The following NEGR1 variants were observed in gnomAD, a reference collection of about 807,000 sequenced individuals.
NEGR1 encodes the protein IgLON family member 4.
NEGR1 carries 10 observed loss-of-function variants against 40.9 expected under a neutral mutation model. The ratio of observed to expected loss-of-function variants is 0.24; its 90% CI spans 0.15 to 0.42. The LOEUF is 0.42. Among genes scored for constraint, NEGR1 ranks in the 10% least tolerant of loss-of-function variants. NEGR1 has a pLI of 1.00. For synonymous variants in NEGR1, 185 were observed against 166.8 expected, an observed-to-expected ratio of 1.11 and a Z score of -0.84; for missense variants, 352 against 438.9, an observed-to-expected ratio of 0.80 and a Z score of 1.77.
In NEGR1 at chr1:71,972,958, T is replaced by C. The variant is rs188925220; in HGVS notation, c.177-37647A>G. Among the ~76,000 whole-genome samples, 23 of 152,314 alleles carry C rather than the reference T, an allele frequency of 1.5e-4. No individual in the cohort carries two copies. In the East Asian group the frequency reaches 4.4e-3, roughly 29 times the overall value. On this transcript the variant is annotated intron_variant, in intron 1 of 6. Coordinates refer to ENST00000357731, the MANE Select transcript of NEGR1 (RefSeq NM_173808.3). ...CCCGAAGTCCCATCTTAAGTGTTGT[T>C]ACAAGATTCCCTCGCAGAGGTAAGT...
intron 1 of NEGR1, among the ~76,000 whole-genome samples, chr1:72,253,927 AT>A (rs956379338): frequency 3.3e-5 from 5 of 152,206 alleles, no homozygotes; most frequent in African/African-American, 1.2e-4. Flanking sequence ...AATAAGTCAT[AT>A]AATTTTTTAA....
intron 4 of NEGR1, among the ~76,000 whole-genome samples, chr1:71,676,276 T>C (rs1283086001): frequency 6.6e-6 from 1 of 152,160 alleles, no homozygotes; most frequent in Non-Finnish European, 1.5e-5. Context: ...CTATTATGCC[T>C]CAGAGGTTTT....
At chr1:71,584,617 C>T (rs1649242872) in intron 6 of NEGR1, among the ~76,000 whole-genome samples, 1 of 152,098 alleles carries the variant, frequency 6.6e-6, no homozygotes, top group African/African-American at 2.4e-5. Context: ...TTATTACGTG[C>T]TCAAACCATT....
chr1:71,844,801 A>T (rs1176361523), intron 2 of NEGR1, among the ~76,000 whole-genome samples: 1 of 152,200 alleles, frequency 6.6e-6, no homozygotes, highest in African/African-American at 2.4e-5. Flanking sequence ...AAGTCAGATC[A>T]CTAACACATG....
intron 3 of NEGR1, among the ~76,000 whole-genome samples, chr1:71,739,271 T>C (rs1013212302): frequency 2.0e-5 from 3 of 151,570 alleles, no homozygotes; most frequent in African/African-American, 4.9e-5. Flanking sequence ...AGCCTACATC[T>C]TTCTCCTGTG....
intron 1 of NEGR1, among the ~76,000 whole-genome samples, chr1:72,013,341 G>A (rs1161159222): frequency 6.6e-6 from 1 of 152,080 alleles, no homozygotes; most frequent in East Asian, 1.9e-4. Context: ...TTGCATGTCT[G>A]CTTTCTAGGT....
At chr1:71,413,685 T>G (rs1202281996) in intron 6 of NEGR1, among the ~76,000 whole-genome samples, 2 of 152,150 alleles carry the variant, frequency 1.3e-5, no homozygotes, top group Non-Finnish European at 2.9e-5. Context: ...GACGAGTTTG[T>G]TTTTAGAGGA....
At chr1:72,203,541 T>C (rs970905691) in intron 1 of NEGR1, among the ~76,000 whole-genome samples, 1 of 152,148 alleles carries the variant, frequency 6.6e-6, no homozygotes, top group African/African-American at 2.4e-5. Flanking sequence ...GGTGATGATG[T>C]GTGAACATTA....
intron 2 of NEGR1, among the ~76,000 whole-genome samples, chr1:71,874,424 C>T (rs1444102993): frequency 1.3e-5 from 2 of 152,116 alleles, no homozygotes; most frequent in African/African-American, 4.8e-5. Flanking sequence ...GACTCAACAA[C>T]ACAACTTCTT....
chr1:72,247,189 T>C (rs1557596580), intron 1 of NEGR1, among the ~76,000 whole-genome samples: 1 of 152,216 alleles, frequency 6.6e-6, no homozygotes, highest in Non-Finnish European at 1.5e-5. Context: ...CCATTCTCTT[T>C]GGTATTCACA....
At chr1:71,841,814 T>G (rs2101803002) in intron 2 of NEGR1, among the ~76,000 whole-genome samples, 1 of 152,292 alleles carries the variant, frequency 6.6e-6, no homozygotes, top group East Asian at 1.9e-4. Flanking sequence ...TACATTTTCT[T>G]CCCATAGATT....
chr1:71,640,671 A>G (rs1651319622), intron 4 of NEGR1, among the ~76,000 whole-genome samples: 2 of 152,036 alleles, frequency 1.3e-5, no homozygotes, highest in Non-Finnish European at 2.9e-5. Context: ...AATATAGAAG[A>G]ACTTAAATAT....
At chr1:71,565,402 G>A (rs1648586379) in intron 6 of NEGR1, among the ~76,000 whole-genome samples, 1 of 152,142 alleles carries the variant, frequency 6.6e-6, no homozygotes, top group African/African-American at 2.4e-5. Context: ...GTCATTTCTT[G>A]TATACAGACT....
chr1:72,277,258 G>C (rs1317585190), intron 1 of NEGR1, among the ~76,000 whole-genome samples: 2 of 152,034 alleles, frequency 1.3e-5, no homozygotes, highest in African/African-American at 4.8e-5. Context: ...ACACAGAATA[G>C]CAGATGGACA....
chr1:72,102,679 CAAAT>C (rs778099627), intron 1 of NEGR1, among the ~76,000 whole-genome samples: 1 of 152,014 alleles, frequency 6.6e-6, no homozygotes, highest in South Asian at 2.1e-4. Context: ...AGGTAACAAA[CAAAT>C]AAAATATTAT....
At chr1:71,746,839 G>T (rs1159375609) in intron 3 of NEGR1, among the ~76,000 whole-genome samples, 3 of 151,936 alleles carry the variant, frequency 2.0e-5, no homozygotes, top group Non-Finnish European at 4.4e-5. Context: ...GTTTTCTACA[G>T]TTCCAGTTCC....
At chr1:71,941,134 T>C (rs1218898301) in intron 1 of NEGR1, among the ~76,000 whole-genome samples, 1 of 152,182 alleles carries the variant, frequency 6.6e-6, no homozygotes, top group African/African-American at 2.4e-5. Context: ...TGTCTCTTCA[T>C]TGCATCATAA....
At chr1:71,438,372 A>G (rs1324560253) in intron 6 of NEGR1, among the ~76,000 whole-genome samples, 1 of 152,192 alleles carries the variant, frequency 6.6e-6, no homozygotes, top group African/African-American at 2.4e-5. Flanking sequence ...AATTATAATG[A>G]CACTTCAAAT....
chr1:71,475,609 A>G (rs1010269252), intron 6 of NEGR1, among the ~76,000 whole-genome samples: 3 of 152,092 alleles, frequency 2.0e-5, no homozygotes, highest in Non-Finnish European at 4.4e-5. Context: ...CAATTTTAGC[A>G]TATCTGAGTA....
Sources: gnomAD v4.1 joint callset for allele counts (sites outside exome capture counted in the v4.1 genomes callset) on GRCh38, gnomAD v4.1.1 for gene constraint, MANE v1.5 for transcripts, NCBI Gene and HGNC (gene_info 2026-07-23, HGNC 2026-07-21) for gene names.